The following KLHDC4 variants were observed in gnomAD, a reference collection of about 807,000 sequenced individuals.
KLHDC4 encodes the protein kelch domain containing 4.
KLHDC4 carries 90 observed loss-of-function variants against 62.4 expected under a neutral mutation model. That is an observed-to-expected ratio of 1.44 (90% confidence interval 1.22 to 1.72). The LOEUF is 1.72. KLHDC4 is among the 40% of genes most tolerant of loss of function. KLHDC4 has a pLI of 0.00. For missense variants in KLHDC4, 1,025 were observed against 699.7 expected, an observed-to-expected ratio of 1.47 and a Z score of -5.25; for synonymous variants, 386 against 284.4, an observed-to-expected ratio of 1.36 and a Z score of -3.59.
intron 7 of KLHDC4, among the ~76,000 whole-genome samples, chr16:87,720,315 G>A (rs1178653079): frequency 1.3e-5 from 2 of 152,212 alleles, no homozygotes; most frequent in East Asian, 1.9e-4. Flanking sequence ...ATCAGGCAGG[G>A]ATAGGGTGTC....
chr16:87,709,785 G>T, intron 9 of KLHDC4, 118 bp from the exon 10 acceptor site: 3 of 1,256,264 alleles, frequency 2.4e-6, no homozygotes, highest in Admixed American at 2.8e-5. Flanking sequence ...TGGGGAGTGT[G>T]TGACCCAGGA....
At chr16:87,760,866 C>G (rs959199638) in intron 2 of KLHDC4, among the ~76,000 whole-genome samples, 14 of 151,922 alleles carry the variant, frequency 9.2e-5, no homozygotes, top group Admixed American at 9.2e-4. Flanking sequence ...AACCCCATCT[C>G]TACTAAAAAT....
chr16:87,703,463 C>T (rs746182226), downstream of KLHDC4: 4 of 152,470 alleles, frequency 2.6e-5, no homozygotes, highest in African/African-American at 4.8e-5. Context: ...CAAAAATAAC[C>T]AGAGAGGCAG....
intron 8 of KLHDC4, among the ~76,000 whole-genome samples, chr16:87,711,858 GCCTGCACGGGGACCCTCCAC>G (rs3838871): frequency 1.4e-5 from 2 of 142,032 alleles, no homozygotes; most frequent in Non-Finnish European, 1.5e-5. Flanking sequence ...CCCCCCTTGG[GCCTGCACGGGGACCCTCCAC>G]CCTGCACGGG....
intron 5 of KLHDC4, among the ~76,000 whole-genome samples, chr16:87,734,592 G>A (rs1322951902): frequency 6.6e-6 from 1 of 152,154 alleles, no homozygotes; most frequent in African/African-American, 2.4e-5. Flanking sequence ...CACTGAAAAT[G>A]ACAACCACAC....
intron 4 of KLHDC4, among the ~76,000 whole-genome samples, chr16:87,749,090 A>G (rs113421664): frequency 2.6e-5 from 4 of 151,776 alleles, no homozygotes; most frequent in African/African-American, 7.3e-5. Context: ...ATATCCCATT[A>G]AAGTGGACAC....
chr16:87,700,601 G>A (rs80000739), exon 1 of KLHDC4: 2,650 of 206,306 alleles, frequency 0.013, 89 homozygotes, highest in East Asian at 0.12. Flanking sequence ...GAGAGAAGAG[G>A]TGGAGGGAGG....
intron 2 of KLHDC4, among the ~76,000 whole-genome samples, chr16:87,759,872 G>A (rs962889891): frequency 5.3e-5 from 8 of 152,102 alleles, no homozygotes; most frequent in South Asian, 4.1e-4. Context: ...CCAAACTGAG[G>A]TCCCCACCCA....
chr16:87,718,501 C>T (rs1057086777), intron 7 of KLHDC4, among the ~76,000 whole-genome samples: 53 of 151,802 alleles, frequency 3.5e-4, no homozygotes, highest in Admixed American at 1.2e-3. Context: ...TGCTGAGTGC[C>T]TGGGATTGCA....
At chr16:87,707,731 G>C, downstream of KLHDC4, 1 of 288,358 alleles carries the variant, frequency 3.5e-6, no homozygotes, top group Non-Finnish European at 6.9e-6. Flanking sequence ...TCTCGCCCTA[G>C]GCCCAGCCCT....
intron 5 of KLHDC4, among the ~76,000 whole-genome samples, chr16:87,735,141 T>C (rs2041084855): frequency 6.7e-6 from 1 of 149,756 alleles, no homozygotes; most frequent in Admixed American, 6.7e-5. Context: ...CTACTAAAAA[T>C]ACAAAAAAAT....
chr16:87,715,851 G>A (rs2036858804), intron 7 of KLHDC4, among the ~76,000 whole-genome samples: 1 of 152,174 alleles, frequency 6.6e-6, no homozygotes, highest in African/African-American at 2.4e-5. Flanking sequence ...CGCTACTGTG[G>A]TCGCAGGGGT....
chr16:87,743,698 C>T (rs2042590868), intron 5 of KLHDC4, among the ~76,000 whole-genome samples: 1 of 151,850 alleles, frequency 6.6e-6, no homozygotes, highest in African/African-American at 2.4e-5. Flanking sequence ...CGAGATCAAA[C>T]CACTGCACTC....
chr16:87,698,696 A>G (rs1380727040), exon 1 of KLHDC4: 5 of 152,216 alleles, frequency 3.3e-5, no homozygotes, highest in Non-Finnish European at 7.3e-5. Flanking sequence ...GTCTGAGAGA[A>G]TCGAATCTTT....
At chr16:87,723,971 G>C (rs943207866) in intron 7 of KLHDC4, among the ~76,000 whole-genome samples, 6 of 152,132 alleles carry the variant, frequency 3.9e-5, no homozygotes, top group Non-Finnish European at 8.8e-5. Context: ...CGAGTAGCTG[G>C]GATTACAGGC....
At position 87,761,982 on chromosome 16, in the gene KLHDC4, G is replaced by C; in HGVS notation, c.158C>G (p.Thr53Ser). The change falls in exon 2 of 12, where the codon ACT (threonine) becomes AGT (serine). Residue 53 changes from threonine (T) to serine (S), a missense_variant. Coordinates refer to ENST00000270583, the MANE Select transcript of KLHDC4 (RefSeq NM_017566.4). ...GGGTGGGGGGCACGGAAGTTCCACA[G>C]TCTGAGTCCTCTTGGCATCGAGTGT... The part of the protein sequence containing the change: ...FQTLDAKRTQ[T>S]VELPCPPPSP... 6.2e-7 allele frequency: 1 copy of C among 1,614,004 alleles called. No individual in the cohort carries two copies. Among genetic ancestry groups the C allele is most frequent in the African/African-American group, 1.3e-5 (1 of 75,042 alleles).
At chr16:87,725,408 G>A (rs1055505672) in intron 7 of KLHDC4, among the ~76,000 whole-genome samples, 14 of 152,206 alleles carry the variant, frequency 9.2e-5, no homozygotes, top group African/African-American at 2.4e-4. Context: ...CTCGTGAGCC[G>A]CCCGCCTCGG....
intron 6 of KLHDC4, among the ~76,000 whole-genome samples, chr16:87,728,694 C>G (rs1021699433): frequency 4.6e-5 from 7 of 152,060 alleles, no homozygotes; most frequent in Middle Eastern, 3.2e-3. Flanking sequence ...TAAGAATGAA[C>G]ATAAGGCTAG....
At chr16:87,703,173 C>T (rs1035788818), downstream of KLHDC4, 1 of 152,172 alleles carries the variant, frequency 6.6e-6, no homozygotes, top group African/African-American at 2.4e-5. Context: ...TCCTGGTTTT[C>T]GAGCAGGAAA....
Sources: gnomAD v4.1 joint callset for allele counts (sites outside exome capture counted in the v4.1 genomes callset) on GRCh38, gnomAD v4.1.1 for gene constraint, MANE v1.5 for transcripts, NCBI Gene and HGNC (gene_info 2026-07-23, HGNC 2026-07-21) for gene names.